Variants in AGMO observed in about 807,000 individuals in gnomAD.
The protein encoded by AGMO is alkylglycerol monooxygenase.
AGMO carries 75 observed loss-of-function variants against 60.2 expected under a neutral mutation model. That is an observed-to-expected ratio of 1.25 (90% CI 1.03 to 1.51). The LOEUF (loss-of-function observed/expected upper bound fraction) is 1.51, where lower values mean the gene tolerates loss of function less well. Among genes scored for constraint, AGMO ranks in the 40% most tolerant of loss-of-function variants. The probability of loss-of-function intolerance (pLI) is 0.00; values close to 1 mark genes in which losing one functional copy is unlikely to be tolerated. For synonymous variants in AGMO, 261 were observed against 177.1 expected (o/e 1.47, Z -3.76); for missense variants, 763 against 525.5 (o/e 1.45, Z -4.42).
chr7:15,454,806 C>T (rs1781956127), intron 3 of AGMO, among the ~76,000 whole-genome samples: 1 of 152,034 alleles, frequency 6.6e-6, no homozygotes, highest in Admixed American at 6.6e-5. Context: ...CAAAGTAATA[C>T]ATATTGCAGT....
the AGMO span, among the ~76,000 whole-genome samples, chr7:15,147,002 T>A: frequency 6.6e-6 from 1 of 152,116 alleles, no homozygotes; most frequent in African/African-American, 2.4e-5. Context: ...TTAAAATATA[T>A]ACACAAAACA....
intron 3 of AGMO, among the ~76,000 whole-genome samples, chr7:15,518,140 T>C (rs1039393061): frequency 3.9e-5 from 6 of 152,052 alleles, no homozygotes; most frequent in African/African-American, 1.4e-4. Context: ...GCAGGGCATC[T>C]CCGAAAGAAA....
chr7:15,552,257 T>TA (rs1403573309), intron 2 of AGMO, among the ~76,000 whole-genome samples: 1 of 152,170 alleles, frequency 6.6e-6, no homozygotes, highest in Non-Finnish European at 1.5e-5. Context: ...GACATAGGCA[T>TA]GGGCAAGGAC....
chr7:15,546,789 A>T (rs888107458), intron 2 of AGMO, among the ~76,000 whole-genome samples: 1 of 152,214 alleles, frequency 6.6e-6, no homozygotes, highest in Non-Finnish European at 1.5e-5. Context: ...GGTGAGAACA[A>T]ATTCTACTGT....
At position 15,224,456 on chromosome 7, in the gene AGMO, T is replaced by A. The variant is rs1782017086; in HGVS notation, c.1264-23097A>T. Among the ~76,000 whole-genome samples the A allele has an allele frequency of 4.6e-5, 7 of 152,000 alleles. No homozygotes were observed. The South Asian group carries it at 1.5e-3, about 32-fold the overall frequency. ...TCTGTCCTCTCTTTCTCTCTCTCTC[T>A]CTCCTCTCATCAATGTGAGGATACA... On this transcript the variant is annotated intron_variant, in intron 12 of 12. Transcript: ENST00000342526.
chr7:15,349,356 T>C (rs929984961), intron 12 of AGMO, among the ~76,000 whole-genome samples: 1 of 152,162 alleles, frequency 6.6e-6, no homozygotes, highest in Non-Finnish European at 1.5e-5. Context: ...AGAAGGTTTA[T>C]AGCAAGCAAA....
Position 15,343,883 on chromosome 7 carries a change from A to C in AGMO, c.1263+21631T>G, listed in dbSNP as rs78414689. ...CTTGTAGTATGTCTTAAGCAAGCAT[A>C]GTTTAAAAGTTGACATTTATACTCA... On this transcript the variant is annotated intron_variant, in intron 12 of 12. Transcript: ENST00000342526. 5.4e-3 allele frequency among the ~76,000 whole-genome samples: 821 copies of C among 152,328 alleles called. 13 individuals are homozygous for C. The highest frequency in any genetic ancestry group is 0.019 in the African/African-American group (773 of 41,586).
At chr7:15,547,262 G>A (rs1052796820) in intron 2 of AGMO, among the ~76,000 whole-genome samples, 2 of 152,080 alleles carry the variant, frequency 1.3e-5, no homozygotes, top group Non-Finnish European at 2.9e-5. Context: ...TTCCCCAGTT[G>A]ATAACCTCTG....
chr7:15,337,927 G>A (rs116827274), intron 12 of AGMO, among the ~76,000 whole-genome samples: 1,615 of 152,288 alleles, frequency 0.011, 9 homozygotes, highest in African/African-American at 0.014. Flanking sequence ...TGAGGAAAGC[G>A]ATGAAAATCT....
intron 3 of AGMO, among the ~76,000 whole-genome samples, chr7:15,515,129 A>G (rs2128532351): frequency 6.6e-6 from 1 of 152,354 alleles, no homozygotes; most frequent in South Asian, 2.1e-4. Context: ...ATGAAAAGGA[A>G]GCACTATGAC....
intron 3 of AGMO, among the ~76,000 whole-genome samples, chr7:15,530,421 A>T (rs369534531): frequency 3.9e-4 from 37 of 94,924 alleles, no homozygotes; most frequent in African/African-American, 1.4e-3. Context: ...ATATATTCTA[A>T]ATACGTATTT....
intron 3 of AGMO, among the ~76,000 whole-genome samples, chr7:15,508,733 A>G (rs2128529066): frequency 6.8e-6 from 1 of 146,338 alleles, no homozygotes; most frequent in South Asian, 2.2e-4. Flanking sequence ...CTTCGTATAG[A>G]AAAAAAAAAA....
At chr7:15,291,468 G>GA (rs1419302437) in intron 12 of AGMO, among the ~76,000 whole-genome samples, 5 of 152,078 alleles carry the variant, frequency 3.3e-5, no homozygotes, top group Middle Eastern at 3.2e-3. Flanking sequence ...TTTGTAATAT[G>GA]AAATTTTTTA....
intron 12 of AGMO, among the ~76,000 whole-genome samples, chr7:15,252,434 C>T (rs1200633649): frequency 1.3e-5 from 2 of 152,144 alleles, no homozygotes; most frequent in Admixed American, 6.6e-5. Context: ...TCTGTAATTA[C>T]ATTACATATG....
the AGMO span, among the ~76,000 whole-genome samples, chr7:15,159,416 G>T: frequency 1.3e-5 from 2 of 152,136 alleles, no homozygotes; most frequent in Non-Finnish European, 2.9e-5. Flanking sequence ...TGAGATTTCA[G>T]TTCTTCTGTT....
At chr7:15,156,596 C>G in the AGMO span, among the ~76,000 whole-genome samples, 1 of 152,172 alleles carries the variant, frequency 6.6e-6, no homozygotes, top group Admixed American at 6.5e-5. Flanking sequence ...TCCTGGAGGT[C>G]AATGATGAGA....
intron 12 of AGMO, among the ~76,000 whole-genome samples, chr7:15,243,379 T>G: frequency 6.6e-6 from 1 of 152,182 alleles, no homozygotes; most frequent in African/African-American, 2.4e-5. Flanking sequence ...CTTAGAAACC[T>G]TATGAGCTAG....
At chr7:15,318,566 G>A (rs906324795) in intron 12 of AGMO, among the ~76,000 whole-genome samples, 2 of 152,024 alleles carry the variant, frequency 1.3e-5, no homozygotes, top group African/African-American at 2.4e-5. Flanking sequence ...TGATCCTTGA[G>A]CATATAGAAA....
intron 12 of AGMO, among the ~76,000 whole-genome samples, chr7:15,245,809 T>G (rs369215777): frequency 2.6e-4 from 40 of 152,270 alleles, no homozygotes; most frequent in East Asian, 2.1e-3. Flanking sequence ...ATTTTCCTCC[T>G]TAGGATTAGT....
Sources: allele counts gnomAD v4.1 joint callset (sites outside exome capture counted in the v4.1 genomes callset), GRCh38; gene constraint gnomAD v4.1.1; transcripts MANE v1.5; gene names NCBI Gene and HGNC (gene_info 2026-07-23, HGNC 2026-07-21).